CRIPT: variants seen among roughly 807,000 people sequenced by gnomAD.
CRIPT encodes the protein cysteine-rich PDZ-binding protein.
A neutral mutation model predicts 16.6 loss-of-function variants in CRIPT; 20 were observed. The observed-to-expected ratio is 1.20, with a 90% confidence interval of 0.85 to 1.75. CRIPT has a LOEUF of 1.75. Ranked by LOEUF, CRIPT falls within the 40% of genes most tolerant of loss-of-function variation. The pLI is 0.00. For synonymous variants in CRIPT, 42 were observed against 37.0 expected (o/e 1.14, Z -0.49); for missense variants, 133 against 115.3 (o/e 1.15, Z -0.70).
rs1204336432 is a variant in CRIPT, at chr2:46,629,525, T to C, written c.*5298T>C. Among the ~76,000 whole-genome samples the C allele has an allele frequency of 6.6e-6, 1 of 152,330 alleles. No individual in the cohort carries two copies. The highest frequency in any genetic ancestry group is 1.9e-4 in the East Asian group (1 of 5,190). On this transcript the variant is annotated 3_prime_UTR_variant, in exon 5 of 5. Transcript: ENST00000238892. ...TCTAATCTGGAGCAGTTCCTCAGCT[T>C]TTCTTTGTTTTTTATAATAGTAATA... is the stretch of plus-strand genomic sequence containing the variant.
chr2:46,621,893 T>G (rs1279488733), intron 3 of CRIPT, among the ~76,000 whole-genome samples: 1 of 152,250 alleles, frequency 6.6e-6, no homozygotes, highest in Non-Finnish European at 1.5e-5. Flanking sequence ...ACAGATTTTA[T>G]GCTTTTATAT....
chr2:46,618,625 G>T, intron 1 of CRIPT, 148 bp from the exon 2 acceptor site: 1 of 486,542 alleles, frequency 2.1e-6, no homozygotes. Flanking sequence ...GTTAATATGA[G>T]TCTCAGTTGA....
In CRIPT at chr2:46,625,805, C is replaced by G. The variant is rs933931660; in HGVS notation, c.*1578C>G. The G allele has an allele frequency of 3.3e-5, 5 of 152,054 alleles. No homozygotes were observed. The highest frequency in any genetic ancestry group is 7.4e-5 in the Non-Finnish European group (5 of 68,006). 9.4% of individuals were successfully genotyped at this position (152,054 alleles called of 1,614,324 possible). On this transcript the variant is annotated 3_prime_UTR_variant, in exon 5 of 5. Transcript: ENST00000238892. ...TAATTATAACACAGGAAACTCATAA[C>G]AGGACCTGGTCAGAGAGCATCCCAG...
rs779916891 is a variant in CRIPT, at chr2:46,624,183, A to G, written c.262A>G (p.Lys88Glu). The G allele has an allele frequency of 6.3e-6, 10 of 1,583,184 alleles. 1 individual carries two copies. The East Asian group carries it at 6.9e-5, about 11-fold the overall frequency. ...TTCAGGCATCTGTGCGATGTGTGGAAAAAAGGTTTTGGATACCAAAAACTA... is the reference window on the plus strand; with the variant it reads ...TTCAGGCATCTGTGCGATGTGTGGAGAAAAGGTTTTGGATACCAAAAACTA... ...YKKGICAMCG[K>E]KVLDTKNYKQ... Residue 88 changes from lysine (K) to glutamate (E), a missense_variant, in exon 5 of 5, where the codon AAA (lysine) becomes GAA (glutamate). Coordinates refer to ENST00000238892, the MANE Select transcript of CRIPT (RefSeq NM_014171.6).
chr2:46,624,049 T>C, intron 4 of CRIPT, 114 bp from the exon 5 acceptor site: 1 of 470,880 alleles, frequency 2.1e-6, no homozygotes, highest in Non-Finnish European at 3.4e-6. Context: ...ATATTTTTTT[T>C]TTCTTTTCTT....
At position 46,619,773 on chromosome 2, in the gene CRIPT, G is replaced by C. The variant is rs1670759345; in HGVS notation, c.137+92G>C. The C allele has an allele frequency of 8.2e-6, 8 of 978,158 alleles. No individual in the cohort carries two copies. The South Asian group carries it at 1.2e-4, about 15-fold the overall frequency. The allele number at this position is 978,158 out of a possible 1,614,324, so 60.6% of individuals were successfully genotyped here. On this transcript the variant is annotated intron_variant, in intron 3 of 4. Coordinates refer to ENST00000238892, the MANE Select transcript of CRIPT (RefSeq NM_014171.6). ...GAATTTGATGTGCATCATTCCATTTGCAATAAAACAGAGTTAGGTGGTTCC... is the reference window on the plus strand; with the variant it reads ...GAATTTGATGTGCATCATTCCATTTCCAATAAAACAGAGTTAGGTGGTTCC...
chr2:46,622,828 A>G (rs1188828510), intron 3 of CRIPT, among the ~76,000 whole-genome samples: 1 of 151,626 alleles, frequency 6.6e-6, no homozygotes, highest in Non-Finnish European at 1.5e-5. Flanking sequence ...AAAAAAAGTG[A>G]TATTCTCTGT....
chr2:46,618,166 C>G (rs1670712427), intron 1 of CRIPT, among the ~76,000 whole-genome samples: 1 of 151,624 alleles, frequency 6.6e-6, no homozygotes, highest in African/African-American at 2.4e-5. Context: ...GGAATTTCTT[C>G]TAGTACTTTA....
chr2:46,629,990 A>G lies in CRIPT; in HGVS notation c.*5763A>G, dbSNP rs1671031687. ...ATTAGTCATCATTCTACTGTAAGGA[A>G]GAGGTTTCCCTTTATCATCAACTTC... On this transcript the variant is annotated 3_prime_UTR_variant, in exon 5 of 5. Coordinates refer to ENST00000238892, the MANE Select transcript of CRIPT (RefSeq NM_014171.6). 6.6e-6 allele frequency among the ~76,000 whole-genome samples: 1 copy of G among 152,178 alleles called. No individual in the cohort carries two copies. Among genetic ancestry groups the G allele is most frequent in the Non-Finnish European group, 1.5e-5 (1 of 68,036 alleles).
In CRIPT at chr2:46,629,941, A is replaced by G. The variant is rs111650732; in HGVS notation, c.*5714A>G. Reference sequence around the variant, plus strand: ...ATGTTTCCAAAATTGTGATTGTTCTAACTCTATTATTATTTCTGTATTAAT... The same window carrying G: ...ATGTTTCCAAAATTGTGATTGTTCTGACTCTATTATTATTTCTGTATTAAT... On this transcript the variant is annotated 3_prime_UTR_variant, in exon 5 of 5. Transcript: ENST00000238892. Among the ~76,000 whole-genome samples the G allele has an allele frequency of 3.9e-3, 600 of 152,258 alleles. 6 individuals carry two copies. The highest frequency in any genetic ancestry group is 0.014 in the African/African-American group (569 of 41,538).
Position 46,624,485 on chromosome 2 carries a change from G to T in CRIPT, c.*258G>T. 3.6e-6 allele frequency: 1 copy of T among 274,932 alleles called. No individual in the cohort carries two copies. Among genetic ancestry groups the T allele is most frequent in the Non-Finnish European group, 6.8e-6 (1 of 147,708 alleles). 17.0% of individuals were successfully genotyped at this position (274,932 alleles called of 1,614,324 possible). The stretch of plus-strand genomic sequence containing the variant: ...ATGAAAATATTTCTCAGTTCTGTAT[G>T]CACTTTTATTTAACATTATTCATAT... On this transcript the variant is annotated 3_prime_UTR_variant, in exon 5 of 5. Transcript: ENST00000238892.
intron 4 of CRIPT, 27 bp from the exon 5 acceptor site, chr2:46,624,136 T>C (rs1268683613): frequency 1.3e-6 from 2 of 1,506,384 alleles, no homozygotes; most frequent in South Asian, 2.7e-5. Flanking sequence ...TATGATTTGA[T>C]TGATCACATA....
chr2:46,620,219 C>T (rs1237311209), intron 3 of CRIPT, among the ~76,000 whole-genome samples: 1 of 152,134 alleles, frequency 6.6e-6, no homozygotes, highest in Non-Finnish European at 1.5e-5. Context: ...GAAGCCAAGG[C>T]AGACAGATTA....
intron 3 of CRIPT, among the ~76,000 whole-genome samples, chr2:46,623,462 C>T (rs545343889): frequency 6.6e-6 from 1 of 152,318 alleles, no homozygotes; most frequent in East Asian, 1.9e-4. Context: ...ACCCACATTT[C>T]ATCAGTTTCC....
rs1670947324 is a variant in CRIPT at position 46,626,723 on chromosome 2, T to A, written c.*2496T>A. Among the ~76,000 whole-genome samples, 1 of 152,238 alleles carries A rather than the reference T, an allele frequency of 6.6e-6. No homozygotes were observed. The highest frequency in any genetic ancestry group is 6.5e-5 in the Admixed American group (1 of 15,290). On this transcript the variant is annotated 3_prime_UTR_variant, in exon 5 of 5. Transcript: ENST00000238892. Reference sequence around the variant, plus strand: ...TTTGCATTTATCTGATTAGTAATGTTGAGCATTTTTTCATGTTTGTTAACC... The same window carrying A: ...TTTGCATTTATCTGATTAGTAATGTAGAGCATTTTTTCATGTTTGTTAACC...
In CRIPT at chr2:46,623,868, G is replaced by T; in HGVS notation, c.241+1G>T. 1 of 1,592,870 alleles carries T rather than the reference G, an allele frequency of 6.3e-7. No individual in the cohort carries two copies. The highest frequency in any genetic ancestry group is 8.6e-7 in the Non-Finnish European group (1 of 1,168,346). ...TGCCAGGGCTGTGCCTACAAAAAAG[G>T]TAAGTTTCTTTTAATACCGTTTTCT... On this transcript the variant is annotated splice_donor_variant, in intron 4 of 4. Coordinates refer to ENST00000238892, the MANE Select transcript of CRIPT (RefSeq NM_014171.6). LOFTEE classifies it high-confidence loss of function.
chr2:46,618,848 C>A lies in CRIPT; in HGVS notation c.82+10C>A. 6.4e-7 allele frequency: 1 copy of A among 1,551,348 alleles called. No individual in the cohort carries two copies. Among genetic ancestry groups the A allele is most frequent in the Non-Finnish European group, 8.8e-7 (1 of 1,130,612 alleles). On this transcript the variant is annotated intron_variant, in intron 2 of 4. Transcript: ENST00000238892. ...GCTAGGAATACCACAGGTATTTCTT[C>A]TTTTAGAAAATAGGAATTTAACCGA...
chr2:46,617,879 A>T (rs189324608), intron 1 of CRIPT, among the ~76,000 whole-genome samples: 29 of 151,898 alleles, frequency 1.9e-4, no homozygotes, highest in Non-Finnish European at 2.8e-4. Flanking sequence ...GGCGTTCAGG[A>T]CCCTCCACAC....
chr2:46,619,803 ACT>A, intron 3 of CRIPT, 122 bp downstream of exon 3: 1 of 668,176 alleles, frequency 1.5e-6, no homozygotes. Flanking sequence ...GGTTCCTAGC[ACT>A]CAGAACCAAG....
Sources: gnomAD v4.1 joint callset for allele counts (sites outside exome capture counted in the v4.1 genomes callset) on GRCh38, gnomAD v4.1.1 for gene constraint, MANE v1.5 for transcripts, NCBI Gene and HGNC (gene_info 2026-07-23, HGNC 2026-07-21) for gene names.